ASTN2: variants seen among roughly 807,000 people sequenced by gnomAD.
The protein encoded by ASTN2 is astrotactin 2, also known as astrotactin-2.
Under a neutral mutation model 139.8 loss-of-function variants are expected in ASTN2, and 54 were observed. That is an observed-to-expected ratio of 0.39 (90% CI 0.31 to 0.48). The LOEUF is 0.48. ASTN2 is among the 20% of genes least tolerant of loss of function. The pLI is 0.95. For synonymous variants in ASTN2, 756 were observed against 719.5 expected (o/e 1.05, Z -0.81); for missense variants, 1,565 against 1,725.1 (o/e 0.91, Z 1.64).
intron 19 of ASTN2, among the ~76,000 whole-genome samples, chr9:116,558,104 T>C (rs191846921): frequency 6.6e-6 from 1 of 152,318 alleles, no homozygotes; most frequent in Non-Finnish European, 1.5e-5. Context: ...GGTGCTGAGA[T>C]GAAGGGCAGA....
At chr9:116,610,812 T>C (rs959810885) in intron 19 of ASTN2, 1 of 151,980 alleles carries the variant, frequency 6.6e-6, no homozygotes, top group Non-Finnish European at 1.5e-5. Flanking sequence ...TCAAAATATA[T>C]AAAATAAAAC....
intron 10 of ASTN2, among the ~76,000 whole-genome samples, chr9:116,893,616 G>A (rs551035411): frequency 6.6e-6 from 1 of 152,050 alleles, no homozygotes; most frequent in Non-Finnish European, 1.5e-5. Context: ...CAGGGTTCCT[G>A]GTAGGTGCCT....
Position 117,120,049 on chromosome 9 carries a change from T to TATATATATATATATATAC in ASTN2, c.1168+21276_1168+21277insGTATATATATATATATAT, listed in dbSNP as rs1433485798. 8.7e-4 allele frequency among the ~76,000 whole-genome samples: 112 copies of TATATATATATATATATAC among 129,332 alleles called. 5 individuals are homozygous for TATATATATATATATATAC. Among genetic ancestry groups the TATATATATATATATATAC allele is most frequent in the African/African-American group, 3.5e-3 (110 of 31,766 alleles). 84.8% of individuals were successfully genotyped at this position (129,332 alleles called of 152,430 possible). On this transcript the variant is annotated intron_variant, in intron 4 of 22. Transcript: ENST00000313400. Reference sequence around the variant, plus strand: ...ATATATATATATATATATATATATATACCCTGAGTATATATACTCAGAGAT... The same window carrying TATATATATATATATATAC: ...ATATATATATATATATATATATATATATATATATATATATATACACCCTGAGTATATATACTCAGAGAT...
chr9:117,241,939 C>T (rs996115109), intron 2 of ASTN2, among the ~76,000 whole-genome samples: 49 of 149,358 alleles, frequency 3.3e-4, no homozygotes, highest in African/African-American at 1.2e-3. Context: ...CCCCCACACA[C>T]ACACACACCA....
At chr9:116,868,055 C>T (rs569094113) in intron 10 of ASTN2, among the ~76,000 whole-genome samples, 2 of 152,162 alleles carry the variant, frequency 1.3e-5, no homozygotes, top group South Asian at 2.1e-4. Flanking sequence ...GCACTGGGGG[C>T]GGAGGCAGGC....
intron 13 of ASTN2, among the ~76,000 whole-genome samples, chr9:116,772,426 C>T (rs1375608597): frequency 6.6e-6 from 1 of 152,162 alleles, no homozygotes; most frequent in Admixed American, 6.5e-5. Context: ...GTGAGGCCTC[C>T]CCAGCCATGT....
intron 10 of ASTN2, among the ~76,000 whole-genome samples, chr9:116,957,928 C>T (rs1835762404): frequency 6.6e-6 from 1 of 152,150 alleles, no homozygotes; most frequent in African/African-American, 2.4e-5. Flanking sequence ...ATCCACCTGC[C>T]TTGGCCTCCC....
At chr9:116,803,829 T>A (rs937111586) in intron 13 of ASTN2, among the ~76,000 whole-genome samples, 19 of 143,264 alleles carry the variant, frequency 1.3e-4, no homozygotes, top group African/African-American at 4.6e-4. Flanking sequence ...CAGCCCAGTT[T>A]AAAAAAAAAA....
At chr9:117,274,997 G>T (rs538710269) in intron 2 of ASTN2, among the ~76,000 whole-genome samples, 63 of 152,322 alleles carry the variant, frequency 4.1e-4, no homozygotes, top group Non-Finnish European at 1.3e-4. Context: ...GTGTGACCTT[G>T]AGCAATCTCA....
intron 5 of ASTN2, among the ~76,000 whole-genome samples, chr9:117,061,874 G>A (rs931370294): frequency 7.9e-5 from 12 of 152,108 alleles, no homozygotes; most frequent in Non-Finnish European, 1.8e-4. Context: ...AGAGAGGAGG[G>A]AAGGAAATAC....
intron 19 of ASTN2, among the ~76,000 whole-genome samples, chr9:116,606,266 G>A (rs532890434): frequency 2.4e-4 from 36 of 152,264 alleles, no homozygotes; most frequent in Middle Eastern, 3.4e-3. Context: ...CTGACCGAGC[G>A]ATGGCTTCTC....
intron 2 of ASTN2, among the ~76,000 whole-genome samples, chr9:117,268,088 T>C (rs1451523343): frequency 2.0e-5 from 3 of 152,174 alleles, no homozygotes; most frequent in Middle Eastern, 3.2e-3. Flanking sequence ...CTTCTAAACT[T>C]ACTTTCATTA....
At position 116,629,546 on chromosome 9, in the gene ASTN2, T is replaced by C. The variant is rs2131854702; in HGVS notation, c.3073-9103A>G. On this transcript the variant is annotated intron_variant, in intron 17 of 22. Transcript: ENST00000313400. ...ACTTCAAATCCCAAGCAGTGCCCCC[T>C]GAACTTCTTCAACCCATCTCTTATT... is the stretch of plus-strand genomic sequence containing the variant. 2.0e-5 allele frequency among the ~76,000 whole-genome samples: 3 copies of C among 152,252 alleles called. No homozygotes were observed. The South Asian group carries it at 6.2e-4, about 32-fold the overall frequency.
intron 5 of ASTN2, among the ~76,000 whole-genome samples, chr9:117,050,877 T>C (rs1280486438): frequency 6.6e-6 from 1 of 152,126 alleles, no homozygotes; most frequent in African/African-American, 2.4e-5. Context: ...CCTACTGCAG[T>C]TAGATTTGCC....
At chr9:116,462,018 T>C (rs559376905) in intron 20 of ASTN2, among the ~76,000 whole-genome samples, 1 of 152,240 alleles carries the variant, frequency 6.6e-6, no homozygotes, top group African/African-American at 2.4e-5. Flanking sequence ...ATAATGGTTA[T>C]TATCACCATT....
chr9:117,365,149 A>G (rs1043446547), intron 1 of ASTN2, among the ~76,000 whole-genome samples: 3 of 151,618 alleles, frequency 2.0e-5, no homozygotes, highest in African/African-American at 7.3e-5. Flanking sequence ...ACCCTGTCTC[A>G]GACAAAAACA....
At chr9:116,860,288 A>T (rs1052443917) in intron 11 of ASTN2, among the ~76,000 whole-genome samples, 23 of 152,242 alleles carry the variant, frequency 1.5e-4, no homozygotes, top group African/African-American at 5.3e-4. Flanking sequence ...GAAACGTAAT[A>T]GAACATTAGA....
At position 116,764,612 on chromosome 9, in the gene ASTN2, C is replaced by G. The variant is rs73519442; in HGVS notation, c.2397-31089G>C. 8.8e-3 allele frequency among the ~76,000 whole-genome samples: 1,334 copies of G among 152,286 alleles called. 18 individuals are homozygous for G. Among genetic ancestry groups the G allele is most frequent in the African/African-American group, 0.031 (1,284 of 41,560 alleles). On this transcript the variant is annotated intron_variant, in intron 13 of 22. Coordinates refer to ENST00000313400, the MANE Select transcript of ASTN2 (RefSeq NM_001365068.1). ...CACATCTATTTATTTCTCCATTTAACCTCTTTCTGTGGATAACTTCATTAC... is the reference window on the plus strand; with the variant it reads ...CACATCTATTTATTTCTCCATTTAAGCTCTTTCTGTGGATAACTTCATTAC...
intron 2 of ASTN2, among the ~76,000 whole-genome samples, chr9:117,264,579 A>G (rs1833899507): frequency 6.6e-6 from 1 of 152,322 alleles, no homozygotes; most frequent in Non-Finnish European, 1.5e-5. Context: ...CAGAGCTTTC[A>G]ATCTTACTTC....
Sources: gnomAD v4.1 joint callset for allele counts (sites outside exome capture counted in the v4.1 genomes callset) on GRCh38, gnomAD v4.1.1 for gene constraint, MANE v1.5 for transcripts, NCBI Gene and HGNC (gene_info 2026-07-23, HGNC 2026-07-21) for gene names.